The following UBE2E3 variants were observed in gnomAD, a reference collection of about 807,000 sequenced individuals.
UBE2E3 encodes ubiquitin-conjugating enzyme E2 E3.
Under a neutral mutation model 23.6 loss-of-function variants are expected in UBE2E3, and 5 were observed. The ratio of observed to expected loss-of-function variants is 0.21; its 90% confidence interval spans 0.11 to 0.44. The LOEUF is 0.44. Among genes scored for constraint, UBE2E3 ranks in the 20% least tolerant of loss-of-function variants. UBE2E3 has a pLI of 0.99. For missense variants in UBE2E3, 81 were observed against 249.8 expected (o/e 0.32, Z 4.55); for synonymous variants, 78 against 87.5 (o/e 0.89, Z 0.60).
chr2:180,982,313 C>A, intron 2 of UBE2E3, 77 bp downstream of exon 2: 1 of 1,309,092 alleles, frequency 7.6e-7, no homozygotes, highest in Non-Finnish European at 1.1e-6. Context: ...TTGGTTTTAC[C>A]TCAATAGCAG....
At chr2:180,983,428 G>A (rs74415405) in intron 2 of UBE2E3, among the ~76,000 whole-genome samples, 5 of 152,088 alleles carry the variant, frequency 3.3e-5, no homozygotes, top group Non-Finnish European at 5.9e-5. Flanking sequence ...CCTTAACTCA[G>A]GCCTATGTAT....
intron 3 of UBE2E3, among the ~76,000 whole-genome samples, chr2:181,008,383 G>A (rs1685215215): frequency 6.6e-6 from 1 of 152,188 alleles, no homozygotes; most frequent in Non-Finnish European, 1.5e-5. Flanking sequence ...CACATGGTTG[G>A]TAAAAGGTGA....
At chr2:181,037,095 TC>T (rs1686315373) in intron 3 of UBE2E3, among the ~76,000 whole-genome samples, 2 of 152,172 alleles carry the variant, frequency 1.3e-5, no homozygotes, top group Non-Finnish European at 2.9e-5. Context: ...GCTGAAAAAT[TC>T]CTGTCACCTA....
chr2:181,057,641 A>C, intron 3 of UBE2E3, 52 bp from the exon 4 acceptor site: 1 of 1,460,298 alleles, frequency 6.8e-7, no homozygotes, highest in Non-Finnish European at 9.4e-7. Flanking sequence ...TTAGGATATT[A>C]ACATTCATTG....
chr2:181,044,305 AT>A (rs1201986695), intron 3 of UBE2E3, among the ~76,000 whole-genome samples: 1 of 152,184 alleles, frequency 6.6e-6, no homozygotes, highest in Non-Finnish European at 1.5e-5. Context: ...ACAACTAAAA[AT>A]TTAGAAACTG....
At chr2:181,013,648 G>T (rs1001394845) in intron 3 of UBE2E3, among the ~76,000 whole-genome samples, 44 of 152,146 alleles carry the variant, frequency 2.9e-4, no homozygotes, top group Non-Finnish European at 4.4e-5. Flanking sequence ...TTTCAAGAGC[G>T]AATATTCTGA....
chr2:180,980,501 A>G (rs1448238380), upstream of UBE2E3: 3 of 148,762 alleles, frequency 2.0e-5, no homozygotes, highest in Non-Finnish European at 3.0e-5. The surrounding 1 kb of genome is among the most constrained non-coding windows in gnomAD (Gnocchi z 5.5). Context: ...GCGCGCGGGA[A>G]CAGCTCGCGC....
chr2:181,021,839 G>A (rs1297311442), intron 3 of UBE2E3, among the ~76,000 whole-genome samples: 2 of 151,886 alleles, frequency 1.3e-5, no homozygotes, highest in Admixed American at 6.6e-5. Flanking sequence ...TAAGTAGGTT[G>A]GAAAATACTT....
chr2:180,984,447 A>G (rs1209519754), intron 3 of UBE2E3, among the ~76,000 whole-genome samples: 12 of 152,228 alleles, frequency 7.9e-5, no homozygotes, highest in Non-Finnish European at 5.9e-5. Flanking sequence ...TGTGTGTGCA[A>G]TCTGAACTGA....
intron 3 of UBE2E3, among the ~76,000 whole-genome samples, chr2:181,043,301 C>G (rs1190716008): frequency 1.3e-5 from 2 of 152,102 alleles, no homozygotes; most frequent in Non-Finnish European, 2.9e-5. Flanking sequence ...CATATAAATT[C>G]AAGAGTAAGG....
chr2:181,013,390 G>A (rs1445622215), intron 3 of UBE2E3, among the ~76,000 whole-genome samples: 3 of 152,272 alleles, frequency 2.0e-5, no homozygotes, highest in Non-Finnish European at 4.4e-5. Flanking sequence ...GTAGCTGTCT[G>A]AAGACTTGAT....
rs1687206098 is a variant in UBE2E3, at chr2:181,063,117, C to T, written c.*229C>T. ...AAACGCCTACTTGCAAGTCTTGCTT[C>T]TTTGGGATATCAAAATGTATTTTGT... On this transcript the variant is annotated 3_prime_UTR_variant, in exon 6 of 6. Coordinates refer to ENST00000410062, the MANE Select transcript of UBE2E3 (RefSeq NM_006357.4). This position sits in a 1 kb window ranked among gnomAD's most constrained non-coding sequence, Gnocchi z 4.1. 1 of 287,532 alleles carries T rather than the reference C, an allele frequency of 3.5e-6. No individual in the cohort carries two copies. Among genetic ancestry groups the T allele is most frequent in the Non-Finnish European group, 6.7e-6 (1 of 150,046 alleles). The allele number at this position is 287,532 out of a possible 1,614,324, so 17.8% of individuals were successfully genotyped here.
chr2:181,028,192 C>CT (rs1161367887), intron 3 of UBE2E3, among the ~76,000 whole-genome samples: 1 of 151,864 alleles, frequency 6.6e-6, no homozygotes, highest in African/African-American at 2.4e-5. Flanking sequence ...TGTAATTATA[C>CT]TTTTTTCTCT....
chr2:181,031,598 G>C (rs1480681060), intron 3 of UBE2E3, among the ~76,000 whole-genome samples: 2 of 151,944 alleles, frequency 1.3e-5, no homozygotes, highest in Admixed American at 6.6e-5. Flanking sequence ...TTTACTTAAC[G>C]ACTACTTTCT....
chr2:181,048,849 G>A (rs556241381), intron 3 of UBE2E3, among the ~76,000 whole-genome samples: 68 of 151,966 alleles, frequency 4.5e-4, no homozygotes, highest in Admixed American at 1.2e-3. Flanking sequence ...TGTGTTCTCC[G>A]CCTACTTCAC....
At chr2:180,992,327 A>G (rs1684684548) in intron 3 of UBE2E3, among the ~76,000 whole-genome samples, 2 of 152,204 alleles carry the variant, frequency 1.3e-5, no homozygotes, top group South Asian at 2.1e-4. Context: ...TAATTCTTAA[A>G]CACAAGTATT....
chr2:180,999,346 C>T (rs1003074191), intron 3 of UBE2E3, among the ~76,000 whole-genome samples: 1 of 152,108 alleles, frequency 6.6e-6, no homozygotes, highest in Non-Finnish European at 1.5e-5. Flanking sequence ...CAGTTGTGAG[C>T]CTTTTGGTTG....
intron 3 of UBE2E3, among the ~76,000 whole-genome samples, chr2:181,012,018 G>A (rs1685344253): frequency 6.6e-6 from 1 of 152,112 alleles, no homozygotes; most frequent in African/African-American, 2.4e-5. Flanking sequence ...TTATGTGGAA[G>A]CATAGCTCCG....
intron 3 of UBE2E3, among the ~76,000 whole-genome samples, chr2:180,986,194 A>G (rs1418548142): frequency 6.6e-6 from 1 of 152,128 alleles, no homozygotes; most frequent in Non-Finnish European, 1.5e-5. Flanking sequence ...TGCAAATGAC[A>G]TCTTTCAGTT....
Sources: allele counts gnomAD v4.1 joint callset (sites outside exome capture counted in the v4.1 genomes callset), GRCh38; gene constraint gnomAD v4.1.1; non-coding constraint Gnocchi (gnomAD v3.1); transcripts MANE v1.5; gene names NCBI Gene and HGNC (gene_info 2026-07-23, HGNC 2026-07-21).